The following RARB variants were observed in gnomAD, a reference collection of about 807,000 sequenced individuals.
RARB encodes HBV-activated protein.
RARB carries 17 observed loss-of-function variants against 51.9 expected under a neutral mutation model. That is an observed-to-expected ratio of 0.33 (90% CI 0.22 to 0.49). RARB has a LOEUF of 0.49. Ranked by LOEUF, RARB falls within the 20% of genes least tolerant of loss-of-function variation. The pLI is 0.99. For synonymous variants in RARB, 215 were observed against 195.4 expected (o/e 1.10, Z -0.84); for missense variants, 369 against 550.8 (o/e 0.67, Z 3.30).
At chr3:24,926,277 A>T (rs1334890470) in intron 2 of RARB, among the ~76,000 whole-genome samples, 1 of 151,828 alleles carries the variant, frequency 6.6e-6, no homozygotes, top group African/African-American at 2.4e-5. Flanking sequence ...TGCGGTGGAG[A>T]GTGTGTAAAA....
chr3:25,078,890 A>T (rs1370293599), intron 3 of RARB, among the ~76,000 whole-genome samples: 1 of 152,148 alleles, frequency 6.6e-6, no homozygotes, highest in African/African-American at 2.4e-5. Context: ...GCATTTTTAT[A>T]TAAATTTTAG....
intron 2 of RARB, among the ~76,000 whole-genome samples, chr3:25,476,958 G>A: frequency 6.6e-6 from 1 of 152,110 alleles, no homozygotes; most frequent in African/African-American, 2.4e-5. Flanking sequence ...GCAAATCTTG[G>A]CATGATGTAG....
intron 5 of RARB, chr3:25,259,097 T>A: frequency 1.0e-6 from 1 of 984,144 alleles, no homozygotes; most frequent in Non-Finnish European, 1.2e-6. Flanking sequence ...ACCAAAGAAC[T>A]GTCTCATTCA....
chr3:25,435,147 G>C (rs1270484402), intron 1 of RARB, among the ~76,000 whole-genome samples: 1 of 151,702 alleles, frequency 6.6e-6, no homozygotes, highest in Non-Finnish European at 1.5e-5. Context: ...AAGTTTCAGT[G>C]TTTGACAAAG....
At chr3:25,395,590 T>G (rs1707091544) in intron 5 of RARB, among the ~76,000 whole-genome samples, 1 of 151,470 alleles carries the variant, frequency 6.6e-6, no homozygotes, top group South Asian at 2.1e-4. Context: ...GAGGCTTTAT[T>G]CATTTTTTAA....
chr3:24,987,797 G>T (rs533847403), intron 2 of RARB, among the ~76,000 whole-genome samples: 11 of 152,296 alleles, frequency 7.2e-5, no homozygotes, highest in Non-Finnish European at 1.5e-4. Context: ...CTATTTGAAT[G>T]AACCCTCCTG....
chr3:25,253,153 G>T (rs907443248), intron 5 of RARB, among the ~76,000 whole-genome samples: 1 of 152,124 alleles, frequency 6.6e-6, no homozygotes, highest in Admixed American at 6.5e-5. Flanking sequence ...TCAACTACTA[G>T]TACTACCAAA....
chr3:25,372,444 G>A lies in RARB; in HGVS notation c.179-88749G>A, dbSNP rs139662914. On this transcript the variant is annotated intron_variant, in intron 5 of 11. Coordinates refer to the RARB transcript ENST00000383772. ...ACTACTTCAAGGAGAAATTTTTGCAGGAGACATAATAGTGAAAGCCAAAAG... is the reference window on the plus strand; with the variant it reads ...ACTACTTCAAGGAGAAATTTTTGCAAGAGACATAATAGTGAAAGCCAAAAG... 1.9e-3 allele frequency among the ~76,000 whole-genome samples: 291 copies of A among 152,294 alleles called. 5 individuals carry two copies. The highest frequency in any genetic ancestry group is 7.7e-3 in the East Asian group (40 of 5,176).
chr3:25,424,487 T>C (rs1308579538), upstream of RARB, among the ~76,000 whole-genome samples: 1 of 152,148 alleles, frequency 6.6e-6, no homozygotes, highest in African/African-American at 2.4e-5. Flanking sequence ...AACACACAAG[T>C]CACTCAGTAC....
At chr3:24,889,901 C>T (rs748265649) in intron 2 of RARB, among the ~76,000 whole-genome samples, 100 of 140,480 alleles carry the variant, frequency 7.1e-4, no homozygotes, top group Middle Eastern at 3.7e-3. Flanking sequence ...AGGATAAGAG[C>T]AGGCATGAAA....
intron 1 of RARB, among the ~76,000 whole-genome samples, chr3:25,456,844 T>A (rs1291447492): frequency 6.6e-6 from 1 of 151,828 alleles, no homozygotes; most frequent in African/African-American, 2.4e-5. Context: ...TATGTTCATT[T>A]ATGGCATTTG....
rs1706521827 is a variant in RARB at position 25,378,214 on chromosome 3, T to A, written c.179-82979T>A. Among the ~76,000 whole-genome samples, 5 of 152,312 alleles carry A rather than the reference T, an allele frequency of 3.3e-5. No homozygotes were observed. The South Asian group carries it at 1.0e-3, about 32-fold the overall frequency. ...TGCATGCACGAGGGTATTTTGCAGA[T>A]GGTTTACAAAGACTTAGTTTATATA... On this transcript the variant is annotated intron_variant, in intron 5 of 11. Transcript: ENST00000383772.
chr3:25,331,751 A>G (rs2125445424), intron 5 of RARB, among the ~76,000 whole-genome samples: 1 of 152,314 alleles, frequency 6.6e-6, no homozygotes, highest in South Asian at 2.1e-4. Flanking sequence ...TTTTTTGGAA[A>G]GATCAACAAA....
At position 25,597,166 on chromosome 3, in the gene RARB, A is replaced by ATAAGGCTGAAGATAT. The variant is rs1701870887; in HGVS notation, c.*552_*566dup. ...CAGGACTATTGTACAGTATGACAAG[A>ATAAGGCTGAAGATAT]TAAGGCTGAAGATATTCTACTTTAG... is the stretch of plus-strand genomic sequence containing the variant. On this transcript the variant is annotated 3_prime_UTR_variant, in exon 8 of 8. Transcript: ENST00000330688. 2 of 152,534 alleles carry ATAAGGCTGAAGATAT rather than the reference A, an allele frequency of 1.3e-5. No homozygotes were observed. The highest frequency in any genetic ancestry group is 3.8e-4 in the East Asian group (2 of 5,196). 9.4% of individuals were successfully genotyped at this position (152,534 alleles called of 1,614,324 possible). A position where few individuals can be genotyped will look rare whatever the true frequency, so the allele number is the denominator to read the frequency against.
At chr3:25,097,089 T>G (rs1273490915) in intron 3 of RARB, among the ~76,000 whole-genome samples, 1 of 152,160 alleles carries the variant, frequency 6.6e-6, no homozygotes, top group Non-Finnish European at 1.5e-5. Flanking sequence ...TGGGTGCAAG[T>G]GACTTGAAAG....
Position 25,489,966 on chromosome 3 carries a change from T to C in RARB, c.307-11216T>C, listed in dbSNP as rs144624813. Among the ~76,000 whole-genome samples, 468 of 152,380 alleles carry C rather than the reference T, an allele frequency of 3.1e-3. 3 individuals are homozygous for C. Among genetic ancestry groups the C allele is most frequent in the Non-Finnish European group, 4.7e-3 (318 of 68,044 alleles). On this transcript the variant is annotated intron_variant, in intron 2 of 7. Coordinates refer to ENST00000330688, the MANE Select transcript of RARB (RefSeq NM_000965.5). ...TTTCCATACAAGGACAGAATCCATT[T>C]TGAGAGCTGGAGCTTAAGTAATATT...
intron 5 of RARB, among the ~76,000 whole-genome samples, chr3:25,208,894 T>G (rs953515466): frequency 7.2e-5 from 11 of 152,140 alleles, no homozygotes; most frequent in Non-Finnish European, 1.5e-4. Context: ...CATCAAAAGG[T>G]CTTTCCTCTT....
intron 4 of RARB, among the ~76,000 whole-genome samples, chr3:25,153,159 T>TGTGTGC (rs71622801): frequency 1.3e-5 from 2 of 148,480 alleles, no homozygotes; most frequent in African/African-American, 5.0e-5. Flanking sequence ...TGTGTGTGTG[T>TGTGTGC]GCATGCGTGC....
At chr3:25,201,599 G>C (rs1701390935) in intron 5 of RARB, among the ~76,000 whole-genome samples, 2 of 151,972 alleles carry the variant, frequency 1.3e-5, no homozygotes, top group African/African-American at 2.4e-5. Context: ...TTTTGAGATA[G>C]GTCCCATCAA....
Sources: allele counts gnomAD v4.1 joint callset (sites outside exome capture counted in the v4.1 genomes callset), GRCh38; gene constraint gnomAD v4.1.1; transcripts MANE v1.5; gene names NCBI Gene and HGNC (gene_info 2026-07-23, HGNC 2026-07-21).